The following WNK1 variants were observed in gnomAD, a reference collection of about 807,000 sequenced individuals.
WNK1 encodes serine/threonine-protein kinase WNK1.
A neutral mutation model predicts 222.8 loss-of-function variants in WNK1; 38 were observed. The ratio of observed to expected loss-of-function variants is 0.17; its 90% CI spans 0.13 to 0.22. The LOEUF (loss-of-function observed/expected upper bound fraction) is 0.22. Among genes scored for constraint, WNK1 ranks in the 10% least tolerant of loss-of-function variants. The probability of loss-of-function intolerance (pLI) is 1.00; values close to 1 mark genes in which losing one functional copy is unlikely to be tolerated. For synonymous variants in WNK1, 1,090 were observed against 1,092.9 expected (o/e 1.00, Z 0.05); for missense variants, 2,348 against 2,918.4 (o/e 0.80, Z 4.50).
chr12:881,038 A>G (rs1953110724), intron 12 of WNK1, 39 bp downstream of exon 12: 1 of 1,612,176 alleles, frequency 6.2e-7, no homozygotes, highest in Non-Finnish European at 8.5e-7. Flanking sequence ...TAAAACGTAT[A>G]TATGTAATTG....
At chr12:796,430 A>T (rs1042374803) in intron 1 of WNK1, among the ~76,000 whole-genome samples, 1 of 152,134 alleles carries the variant, frequency 6.6e-6, no homozygotes, top group Admixed American at 6.5e-5. Context: ...GAGCTTGATA[A>T]TTGGAAAGGG....
rs76347726 is a variant in WNK1 at position 863,878 on chromosome 12, C to G, written c.2139+1608C>G. On this transcript the variant is annotated intron_variant, in intron 8 of 27. Transcript: ENST00000315939. ...AAAAGAAATAAGGCTAGAGAGAAATCAAAACAGGAATGAAACTAAACAATC... is the reference window on the plus strand; with the variant it reads ...AAAAGAAATAAGGCTAGAGAGAAATGAAAACAGGAATGAAACTAAACAATC... Among the ~76,000 whole-genome samples, 48 of 152,030 alleles carry G rather than the reference C, an allele frequency of 3.2e-4. No homozygotes were observed. The East Asian group carries it at 7.1e-3, about 23-fold the overall frequency.
At chr12:869,845 G>C (rs910916930) in intron 8 of WNK1, among the ~76,000 whole-genome samples, 3 of 151,432 alleles carry the variant, frequency 2.0e-5, no homozygotes, top group Admixed American at 6.6e-5. Flanking sequence ...TTTGTGATAT[G>C]TTGCAAGCTA....
chr12:837,447 G>A (rs1490726930), intron 4 of WNK1, among the ~76,000 whole-genome samples: 2 of 151,832 alleles, frequency 1.3e-5, no homozygotes, highest in Admixed American at 6.6e-5. Flanking sequence ...GGTGGCGGGC[G>A]CCTGTAATCC....
chr12:845,258 AAT>A (rs1949947735), intron 4 of WNK1, among the ~76,000 whole-genome samples: 1 of 152,174 alleles, frequency 6.6e-6, no homozygotes, highest in Non-Finnish European at 1.5e-5. Flanking sequence ...CTAATTTTAA[AAT>A]ATGTTAGTGT....
rs147396298 is a variant in WNK1 at position 877,979 on chromosome 12, A to G, written c.2224-233A>G. On this transcript the variant is annotated intron_variant, in intron 9 of 27. Transcript: ENST00000315939. ...AGGGAGATAATTGGGTGAAGAGCCA[A>G]TGGTAACTTGAGTATTAAAAGATTG... The G allele has an allele frequency of 1.2e-3, 651 of 549,930 alleles. 1 individual carries two copies. In the East Asian group the frequency reaches 0.012, roughly 10 times the overall value. 34.1% of individuals were successfully genotyped at this position (549,930 alleles called of 1,614,324 possible). A position where few individuals can be genotyped will look rare whatever the true frequency, so the allele number is the denominator to read the frequency against.
intron 4 of WNK1, among the ~76,000 whole-genome samples, chr12:855,558 A>G (rs919866655): frequency 3.9e-5 from 6 of 152,228 alleles, no homozygotes; most frequent in Non-Finnish European, 8.8e-5. Flanking sequence ...TTGTTTTACC[A>G]TATCTGTCAT....
intron 1 of WNK1, among the ~76,000 whole-genome samples, chr12:783,459 G>A (rs1166005893): frequency 6.8e-6 from 1 of 147,812 alleles, no homozygotes; most frequent in Admixed American, 6.8e-5. Flanking sequence ...TTGAGACCAG[G>A]CTAGGCAACA....
chr12:901,510 G>T, intron 26 of WNK1: 2 of 1,234,454 alleles, frequency 1.6e-6, no homozygotes, highest in South Asian at 2.6e-5. Context: ...TTGTAGTTGT[G>T]TTCTGTCTCT....
chr12:859,138 C>T (rs1357193950), intron 5 of WNK1, 107 bp from the exon 6 acceptor site: 5 of 961,918 alleles, frequency 5.2e-6, no homozygotes, highest in Non-Finnish European at 6.5e-6. Flanking sequence ...GTATTTTTTC[C>T]CATTTTTTTC....
At position 878,216 on chromosome 12, in the gene WNK1, A is replaced by G; in HGVS notation, c.2228A>G (p.Gln743Arg). Residue 743 changes from glutamine (Q) to arginine (R), a missense_variant, in exon 10 of 28, where the codon CAG becomes CGG. Around this residue, in one of 13 missense-constraint regions of WNK1, gnomAD observed 547 missense variants for 558.3 expected, o/e 0.98. Transcript: ENST00000315939. Reference sequence around the variant, plus strand: ...ATCATTGTATTTTATTCTTAGCAGCAGGGAATACAGCAGACAGCCCCTCCT... The same window carrying G: ...ATCATTGTATTTTATTCTTAGCAGCGGGGAATACAGCAGACAGCCCCTCCT... ...SQPIQHPQQQ[Q>R]GIQQTAPPQQ... is the part of the protein sequence containing the mutation. 2 of 1,614,154 alleles carry G rather than the reference A, an allele frequency of 1.2e-6. No individual in the cohort carries two copies. The highest frequency in any genetic ancestry group is 1.7e-6 in the Non-Finnish European group (2 of 1,180,024).
At position 885,062 on chromosome 12, in the gene WNK1, G is replaced by A. The variant is rs1953529584; in HGVS notation, c.4258G>A (p.Ala1420Thr). ...SSVVSSITIP[A>T]VVSISTTSPS... ...CGTAGTTTCAAGTATCACAATACCTGCAGTTGTCTCAATATCTACTACATC... is the reference window on the plus strand; with the variant it reads ...CGTAGTTTCAAGTATCACAATACCTACAGTTGTCTCAATATCTACTACATC... The change falls in exon 19 of 28, where the codon GCA (alanine) becomes ACA (threonine). Residue 1420 changes from alanine to threonine, a missense_variant. Physicochemically the swap from Ala to Thr is moderately conservative, Grantham distance 58 (BLOSUM62 0). This residue lies in a region of WNK1 where 1,144 missense variants were observed against 1,273.6 expected (regional missense o/e 0.90). Coordinates refer to ENST00000315939, the MANE Select transcript of WNK1 (RefSeq NM_018979.4). The A allele has an allele frequency of 5.0e-6, 8 of 1,614,150 alleles. No individual in the cohort carries two copies. In the South Asian group the frequency reaches 5.5e-5, roughly 11 times the overall value.
At chr12:798,290 C>G (rs1228906620) in intron 1 of WNK1, among the ~76,000 whole-genome samples, 1 of 151,746 alleles carries the variant, frequency 6.6e-6, no homozygotes, top group Non-Finnish European at 1.5e-5. Context: ...CTCCCGGGTT[C>G]ACGCCATTCT....
intron 1 of WNK1, chr12:781,224 G>A (rs1591667181): frequency 6.4e-6 from 1 of 155,320 alleles, no homozygotes; most frequent in Admixed American, 6.5e-5. Context: ...GCATCATCTA[G>A]AGCTTTGCTT....
rs777594642 is a variant in WNK1 at position 880,979 on chromosome 12, T to C, written c.3091T>C (p.Ser1031Pro). 8.7e-6 allele frequency: 14 copies of C among 1,614,000 alleles called. No homozygotes were observed. The highest frequency in any genetic ancestry group is 2.7e-5 in the African/African-American group (2 of 74,904). Reference sequence around the variant, plus strand: ...TTTAGCACAAGCCCCCACTACATCCTCCCAGCAAGCAGTTTTGGAGGTAAA... The same window carrying C: ...TTTAGCACAAGCCCCCACTACATCCCCCCAGCAAGCAGTTTTGGAGGTAAA... ...GSLAQAPTTS[S>P]QQAVLESTQG... is the part of the protein sequence containing the mutation. The change falls in exon 12 of 28, where the codon TCC becomes CCC. Residue 1031 changes from serine (S) to proline (P), a missense_variant. Ser to Pro is a moderately conservative substitution (Grantham distance 74). Coordinates refer to ENST00000315939, the MANE Select transcript of WNK1 (RefSeq NM_018979.4).
At chr12:843,568 T>C (rs1160527122) in intron 4 of WNK1, among the ~76,000 whole-genome samples, 1 of 152,244 alleles carries the variant, frequency 6.6e-6, no homozygotes, top group Non-Finnish European at 1.5e-5. Flanking sequence ...TTCAGTCTGT[T>C]ACAATATGCT....
intron 5 of WNK1, 79 bp from the exon 6 acceptor site, chr12:859,166 A>G: frequency 8.0e-7 from 1 of 1,242,586 alleles, no homozygotes; most frequent in Admixed American, 1.8e-5. Flanking sequence ...AATAACAATA[A>G]TTGGCCACAT....
At chr12:861,927 A>T (rs755474520) in intron 7 of WNK1, among the ~76,000 whole-genome samples, 156 bp from the exon 8 acceptor site, 2 of 152,244 alleles carry the variant, frequency 1.3e-5, no homozygotes, top group Non-Finnish European at 2.9e-5. Context: ...AATCTACTGA[A>T]TATGGCTACA....
chr12:847,083 T>A (rs1340176400), intron 4 of WNK1, among the ~76,000 whole-genome samples: 1 of 152,204 alleles, frequency 6.6e-6, no homozygotes, highest in African/African-American at 2.4e-5. Context: ...TGCTGTGATT[T>A]AATTAAGATT....
Sources: allele counts gnomAD v4.1 joint callset (sites outside exome capture counted in the v4.1 genomes callset), GRCh38; gene constraint gnomAD v4.1.1; regional missense constraint gnomAD v4.1.1; transcripts MANE v1.5; gene names NCBI Gene and HGNC (gene_info 2026-07-23, HGNC 2026-07-21).